Variants in TAB2 observed in about 807,000 individuals in gnomAD.
TAB2 encodes TGF-beta-activated kinase 1 and MAP3K7-binding protein 2.
A neutral mutation model predicts 65.0 loss-of-function variants in TAB2; 3 were observed. The ratio of observed to expected loss-of-function variants is 0.05; its 90% CI spans 0.02 to 0.12. The LOEUF (loss-of-function observed/expected upper bound fraction) is 0.12. Among genes scored for constraint, TAB2 ranks in the 10% least tolerant of loss-of-function variants. The probability of loss-of-function intolerance (pLI) is 1.00; values close to 1 mark genes in which losing one functional copy is unlikely to be tolerated. For synonymous variants in TAB2, 298 were observed against 285.1 expected (o/e 1.05, Z -0.46); for missense variants, 623 against 840.3 (o/e 0.74, Z 3.20).
chr6:149,305,980 C>A (rs538622148), intron 1 of TAB2, among the ~76,000 whole-genome samples: 1 of 152,232 alleles, frequency 6.6e-6, no homozygotes, highest in African/African-American at 2.4e-5. Context: ...TTAAGTACCA[C>A]CACAATCAGT....
At chr6:149,318,277 G>GC (rs972173830) in intron 1 of TAB2, among the ~76,000 whole-genome samples, 13 of 151,938 alleles carry the variant, frequency 8.6e-5, no homozygotes, top group Admixed American at 5.2e-4. Context: ...TCCGTGCGGG[G>GC]GGGGAGGGGG....
At chr6:149,322,989 A>T (rs970044009) in intron 1 of TAB2, among the ~76,000 whole-genome samples, 1 of 152,182 alleles carries the variant, frequency 6.6e-6, no homozygotes. Flanking sequence ...CAGCACCTCA[A>T]GTGCAGAACA....
chr6:149,341,777 C>T (rs181669179), intron 1 of TAB2, among the ~76,000 whole-genome samples: 3 of 152,242 alleles, frequency 2.0e-5, no homozygotes, highest in Admixed American at 6.5e-5. Flanking sequence ...TCTTCGTCTT[C>T]ACTACTTTTT....
intron 1 of TAB2, among the ~76,000 whole-genome samples, chr6:149,331,640 A>G (rs1779788498): frequency 6.6e-6 from 1 of 152,214 alleles, no homozygotes; most frequent in South Asian, 2.1e-4. Flanking sequence ...GTCTTTCACC[A>G]GTAAGTATAT....
chr6:149,279,427 C>T (rs1209302164), intron 1 of TAB2, among the ~76,000 whole-genome samples: 2 of 152,132 alleles, frequency 1.3e-5, no homozygotes, highest in South Asian at 2.1e-4. Context: ...TTTCCTCTCC[C>T]GTGACTTTAA....
chr6:149,402,643 C>T (rs80131972), intron 6 of TAB2, among the ~76,000 whole-genome samples: 2 of 152,278 alleles, frequency 1.3e-5, no homozygotes, highest in African/African-American at 2.4e-5. Flanking sequence ...CCAGCCTCAC[C>T]CTGGTACCAA....
rs192238058 is a variant in TAB2 at position 149,220,417 on chromosome 6, T to C, written c.-121+1641T>C. Among the ~76,000 whole-genome samples the C allele has an allele frequency of 2.3e-4, 35 of 152,324 alleles. No individual in the cohort carries two copies. The East Asian group carries it at 6.6e-3, about 29-fold the overall frequency. On this transcript the variant is annotated intron_variant, in intron 1 of 1. Coordinates refer to the TAB2 transcript ENST00000606202. ...CCATTGGACTATATTTCACTATGAA[T>C]ACACACACGATTACGGGACACCATG...
In TAB2 at chr6:149,343,934, G is replaced by A. The variant is rs540607242; in HGVS notation, c.-90+25919G>A. ...TCTAGGTTAGAGATTACCGAAAACTGAAGAGGAATTTTGTATCCCAATTGT... is the reference window on the plus strand; with the variant it reads ...TCTAGGTTAGAGATTACCGAAAACTAAAGAGGAATTTTGTATCCCAATTGT... On this transcript the variant is annotated intron_variant, in intron 1 of 6. Transcript: ENST00000637181. Among the ~76,000 whole-genome samples, 21 of 152,312 alleles carry A rather than the reference G, an allele frequency of 1.4e-4. No individual in the cohort carries two copies. The South Asian group carries it at 2.3e-3, about 17-fold the overall frequency.
At chr6:149,225,025 T>C (rs1050663321) in intron 1 of TAB2, among the ~76,000 whole-genome samples, 1 of 152,208 alleles carries the variant, frequency 6.6e-6, no homozygotes, top group Non-Finnish European at 1.5e-5. Context: ...TTATAATACT[T>C]TTCTATTAAT....
At position 149,275,374 on chromosome 6, in the gene TAB2, G is replaced by C. The variant is rs190993093; in HGVS notation, c.-121+56598G>C. ...ACACAGGCACTCGCCAACGAAAGAA[G>C]CTCCAATGGTCAAGGCAGGAACAAC... On this transcript the variant is annotated intron_variant, in intron 1 of 1. Transcript: ENST00000606202. Among the ~76,000 whole-genome samples the C allele has an allele frequency of 4.0e-3, 611 of 152,238 alleles. 5 individuals carry two copies. The highest frequency in any genetic ancestry group is 0.013 in the African/African-American group (539 of 41,540).
At chr6:149,226,402 A>T (rs1234252595) in intron 1 of TAB2, among the ~76,000 whole-genome samples, 1 of 152,050 alleles carries the variant, frequency 6.6e-6, no homozygotes, top group African/African-American at 2.4e-5. Flanking sequence ...ATGCATAAAA[A>T]CCATTAACTG....
In TAB2 at chr6:149,411,210, G is replaced by GA. The variant is rs1782847946; in HGVS notation, c.*1494dup. 6.6e-6 allele frequency: 1 copy of GA among 152,574 alleles called. No individual in the cohort carries two copies. Among genetic ancestry groups the GA allele is most frequent in the African/African-American group, 2.4e-5 (1 of 41,460 alleles). 9.5% of individuals were successfully genotyped at this position (152,574 alleles called of 1,614,324 possible). On this transcript the variant is annotated 3_prime_UTR_variant, in exon 7 of 7. Coordinates refer to ENST00000637181, the MANE Select transcript of TAB2 (RefSeq NM_001292034.3). ...TTAGAATGGGGCTAAGGGAAGTGCT[G>GA]AAATAGAGCAAAGGATGGAAGATAA... is the stretch of plus-strand genomic sequence containing the variant.
At chr6:149,230,595 C>G (rs780486773) in intron 1 of TAB2, among the ~76,000 whole-genome samples, 2 of 152,226 alleles carry the variant, frequency 1.3e-5, no homozygotes, top group African/African-American at 2.4e-5. Context: ...GTTTTCTAGA[C>G]AGCCACCAGA....
At chr6:149,391,260 T>C (rs1281233553) in intron 3 of TAB2, among the ~76,000 whole-genome samples, 1 of 152,170 alleles carries the variant, frequency 6.6e-6, no homozygotes, top group Non-Finnish European at 1.5e-5. Flanking sequence ...TTTTTTTCTT[T>C]CTGGAAATTT....
At chr6:149,259,554 A>C (rs562956665) in intron 1 of TAB2, among the ~76,000 whole-genome samples, 1 of 152,256 alleles carries the variant, frequency 6.6e-6, no homozygotes, top group Non-Finnish European at 1.5e-5. Flanking sequence ...TGTGAAATTA[A>C]TACCTGCACC....
intron 1 of TAB2, among the ~76,000 whole-genome samples, chr6:149,257,863 T>C (rs1360972999): frequency 2.6e-5 from 4 of 152,136 alleles, no homozygotes; most frequent in African/African-American, 7.2e-5. Context: ...GAAAGAGCAC[T>C]GGCTCCATCC....
At chr6:149,273,926 A>C (rs936219237) in intron 1 of TAB2, among the ~76,000 whole-genome samples, 25 of 152,234 alleles carry the variant, frequency 1.6e-4, no homozygotes, top group African/African-American at 6.0e-4. Context: ...ACTAGAAAGG[A>C]TCAGCCCAAG....
At chr6:149,277,800 A>G (rs1482506894) in intron 1 of TAB2, among the ~76,000 whole-genome samples, 3 of 152,156 alleles carry the variant, frequency 2.0e-5, no homozygotes, top group African/African-American at 7.2e-5. Flanking sequence ...TACATTTTCT[A>G]TTTCCTTTAA....
At chr6:149,308,368 G>A (rs1288888814) in intron 1 of TAB2, among the ~76,000 whole-genome samples, 2 of 152,014 alleles carry the variant, frequency 1.3e-5, no homozygotes, top group South Asian at 2.1e-4. Flanking sequence ...CTGGAGTTTG[G>A]CTTTTTTAAA....
Sources: gnomAD v4.1 joint callset for allele counts (sites outside exome capture counted in the v4.1 genomes callset) on GRCh38, gnomAD v4.1.1 for gene constraint, MANE v1.5 for transcripts, NCBI Gene and HGNC (gene_info 2026-07-23, HGNC 2026-07-21) for gene names.